Variants in SCUBE1 observed in about 807,000 individuals in gnomAD.
The protein encoded by SCUBE1 is signal peptide, CUB and EGF-like domain-containing protein 1.
A neutral mutation model predicts 124.4 loss-of-function variants in SCUBE1; 59 were observed. That is an observed-to-expected ratio of 0.47 (90% CI 0.38 to 0.59). The LOEUF is 0.59. Ranked by LOEUF, SCUBE1 falls within the 20% of genes least tolerant of loss-of-function variation. SCUBE1 has a pLI of 0.00. For missense variants in SCUBE1, 1,150 were observed against 1,371.2 expected (o/e 0.84, Z 2.55); for synonymous variants, 545 against 550.9 (o/e 0.99, Z 0.15).
intron 4 of SCUBE1, among the ~76,000 whole-genome samples, chr22:43,288,455 C>A (rs922269461): frequency 6.6e-6 from 1 of 152,214 alleles, no homozygotes; most frequent in Non-Finnish European, 1.5e-5. Flanking sequence ...CCACAGCCCA[C>A]CAGGCCCCAT....
Position 43,238,803 on chromosome 22 carries a change from C to T in SCUBE1, c.844+35G>A, listed in dbSNP as rs114221441. 6,187 of 1,556,966 alleles carry T rather than the reference C, an allele frequency of 4.0e-3. 220 individuals are homozygous for T. In the African/African-American group the frequency reaches 0.074, roughly 19 times the overall value. ...ACGGAGGCTCTTGGCCAGGCCAGTA[C>T]AGGCAGGGGCACCCACACAGCTCCA... On this transcript the variant is annotated intron_variant, in intron 7 of 21. Coordinates refer to ENST00000360835, the MANE Select transcript of SCUBE1 (RefSeq NM_173050.5).
In SCUBE1 at chr22:43,329,073, A is replaced by G. The variant is rs564623667; in HGVS notation, c.221-9008T>C. Among the ~76,000 whole-genome samples the G allele has an allele frequency of 2.4e-3, 367 of 152,300 alleles. 1 individual carries two copies. The highest frequency in any genetic ancestry group is 8.5e-3 in the African/African-American group (355 of 41,568). On this transcript the variant is annotated intron_variant, in intron 2 of 21. Transcript: ENST00000360835. ...CTGGGGCCTGCGGGCCTTGTGAAGG[A>G]TCAGGCCACCTCCCTGCCTTCTTCC...
rs1392966926 is a variant in SCUBE1 at position 43,197,694 on chromosome 22, C to T, written c.*6303G>A. 4 of 152,338 alleles carry T rather than the reference C, an allele frequency of 2.6e-5. No homozygotes were observed. The highest frequency in any genetic ancestry group is 9.6e-5 in the African/African-American group (4 of 41,476). The allele number at this position is 152,338 out of a possible 1,614,324, so 9.4% of individuals were successfully genotyped here. On this transcript the variant is annotated 3_prime_UTR_variant, in exon 22 of 22. Transcript: ENST00000360835. ...TCTCTGCAGGGCTGTGCCGGGGCCT[C>T]CCCAAGAGCAGTGGGGACACTCGGC...
chr22:43,281,485 T>TCAGCCACCC lies in SCUBE1; in HGVS notation c.484+9560_484+9561insGGGTGGCTG, dbSNP rs1924867518. Among the ~76,000 whole-genome samples the TCAGCCACCC allele has an allele frequency of 1.7e-4, 12 of 70,370 alleles. 1 individual carries two copies. Among genetic ancestry groups the TCAGCCACCC allele is most frequent in the African/African-American group, 1.3e-3 (8 of 6,076 alleles). 46.2% of individuals were successfully genotyped at this position (70,370 alleles called of 152,430 possible). On this transcript the variant is annotated intron_variant, in intron 4 of 21. Transcript: ENST00000360835. ...CAGCCACCCTCCTGTCACCTCCCTC[T>TCAGCCACCC]TTGGCCACCCTCCTGTCACCTCCTC...
At chr22:43,282,059 C>T (rs116484013) in intron 4 of SCUBE1, 2,812 of 153,130 alleles carry the variant, frequency 0.018, 97 homozygotes, top group African/African-American at 0.065. Flanking sequence ...ACCCAGGCAT[C>T]GGGAGCAGCT....
intron 3 of SCUBE1, among the ~76,000 whole-genome samples, chr22:43,308,668 C>T (rs113420841): frequency 0.013 from 2,011 of 152,326 alleles, 34 homozygotes; most frequent in African/African-American, 0.039. Flanking sequence ...TGGAGCGCGG[C>T]GCCTGCACGG....
intron 14 of SCUBE1, among the ~76,000 whole-genome samples, 180 bp downstream of exon 14, chr22:43,220,270 C>T (rs966675904): frequency 1.3e-5 from 2 of 152,178 alleles, no homozygotes; most frequent in Non-Finnish European, 2.9e-5. Context: ...CAAGCGTTGA[C>T]CCCTGCCAGC....
Position 43,211,047 on chromosome 22 carries a change from G to C in SCUBE1, c.2258C>G (p.Thr753Ser), listed in dbSNP as rs139807643. 3 of 1,613,612 alleles carry C rather than the reference G, an allele frequency of 1.9e-6. No individual in the cohort carries two copies. In the African/African-American group the frequency reaches 4.0e-5, roughly 22 times the overall value. The change falls in exon 18 of 22, where the codon ACC (threonine) becomes AGC (serine). Residue 753 changes from threonine to serine, a missense_variant. Transcript: ENST00000360835. This position sits in a 1 kb window ranked among gnomAD's most constrained non-coding sequence, Gnocchi z 4.5. Reference protein sequence around the residue: ...CSPGHHYNTTTHRCIRCPVGT... With the variant: ...CSPGHHYNTTSHRCIRCPVGT... ...GACGGGGCAGCGGATGCAGCGGTGG[G>C]TGGTGGTGTTGTAGTGGTGGCCGGG...
chr22:43,232,096 C>T lies in SCUBE1; in HGVS notation c.845-221G>A, dbSNP rs554837963. The stretch of plus-strand genomic sequence containing the variant: ...GGTTGTACTGGGAAGGGCCAGCTCC[C>T]CAAGCTTCACCACTTCCCCTGAGAC... On this transcript the variant is annotated intron_variant, in intron 7 of 21. Coordinates refer to ENST00000360835, the MANE Select transcript of SCUBE1 (RefSeq NM_173050.5). 11 of 558,078 alleles carry T rather than the reference C, an allele frequency of 2.0e-5. No individual in the cohort carries two copies. The African/African-American group carries it at 2.1e-4, about 10-fold the overall frequency. The allele number at this position is 558,078 out of a possible 1,614,324, so 34.6% of individuals were successfully genotyped here.
intron 6 of SCUBE1, among the ~76,000 whole-genome samples, chr22:43,250,988 G>T (rs1239359145): frequency 6.6e-6 from 1 of 152,240 alleles, no homozygotes; most frequent in Non-Finnish European, 1.5e-5. Context: ...TGGCTATGTG[G>T]CCTCCCTTCT....
intron 2 of SCUBE1, among the ~76,000 whole-genome samples, chr22:43,328,282 G>A (rs781442417): frequency 1.3e-5 from 2 of 149,938 alleles, no homozygotes; most frequent in Non-Finnish European, 3.0e-5. Context: ...CGTGTGAGAT[G>A]GAAGCCAGGA....
rs545882108 is a variant in SCUBE1, at chr22:43,197,914, C to G, written c.*6083G>C. On this transcript the variant is annotated 3_prime_UTR_variant, in exon 22 of 22. Transcript: ENST00000360835. The stretch of plus-strand genomic sequence containing the variant: ...CCCCTCCCTGCAGCCTTCTCTCTGT[C>G]TCTGGACTCCACCGCCAGGGCTGAC... The G allele has an allele frequency of 1.3e-5, 2 of 152,538 alleles. No individual in the cohort carries two copies. Among genetic ancestry groups the G allele is most frequent in the East Asian group, 3.9e-4 (2 of 5,192 alleles). The allele number at this position is 152,538 out of a possible 1,614,324, so 9.4% of individuals were successfully genotyped here.
chr22:43,285,770 G>A lies in SCUBE1; in HGVS notation c.484+5276C>T, dbSNP rs116737433. 3.6e-3 allele frequency among the ~76,000 whole-genome samples: 543 copies of A among 152,324 alleles called. 6 individuals carry two copies. Among genetic ancestry groups the A allele is most frequent in the African/African-American group, 0.012 (517 of 41,564 alleles). On this transcript the variant is annotated intron_variant, in intron 4 of 21. Transcript: ENST00000360835. ...CCTCTGCAGGTGTACTCAAACCTCC[G>A]CAGGAAGGATGGGTGGTTGGGCACC...
chr22:43,250,129 T>A (rs1299614821), intron 6 of SCUBE1, among the ~76,000 whole-genome samples: 2 of 152,152 alleles, frequency 1.3e-5, no homozygotes, highest in African/African-American at 4.8e-5. Context: ...TGAGGGAAGT[T>A]AAAAAATTCG....
intron 10 of SCUBE1, among the ~76,000 whole-genome samples, chr22:43,226,207 G>C (rs913619524): frequency 6.6e-6 from 1 of 152,184 alleles, no homozygotes; most frequent in Non-Finnish European, 1.5e-5. Context: ...ATTCTAGTGA[G>C]GAGAGAGAGA....
chr22:43,343,343 G>T lies in SCUBE1; in HGVS notation c.-82C>A. On this transcript the variant is annotated 5_prime_UTR_variant, in exon 1 of 22. Coordinates refer to ENST00000360835, the MANE Select transcript of SCUBE1 (RefSeq NM_173050.5). ...CCGGCCGCTCCCGCAGGCGCTGCTC[G>T]CTGCTCGCCGCTCCGCCACCGCTCG... is the stretch of plus-strand genomic sequence containing the variant. 1.6e-6 allele frequency: 1 copy of T among 621,936 alleles called. No homozygotes were observed. Among genetic ancestry groups the T allele is most frequent in the Non-Finnish European group, 2.1e-6 (1 of 485,478 alleles). 38.5% of individuals were successfully genotyped at this position (621,936 alleles called of 1,614,324 possible). A position where few individuals can be genotyped will look rare whatever the true frequency, so the allele number is the denominator to read the frequency against.
At chr22:43,277,239 G>C (rs952428869) in intron 4 of SCUBE1, among the ~76,000 whole-genome samples, 1 of 152,126 alleles carries the variant, frequency 6.6e-6, no homozygotes, top group Non-Finnish European at 1.5e-5. Context: ...AGTTCACTAT[G>C]GCTGGTTCAT....
At position 43,258,231 on chromosome 22, in the gene SCUBE1, G is replaced by A. The variant is rs372473028; in HGVS notation, c.715C>T (p.Arg239Cys). ...GGTGCCTACTTACCGATGCACGTGC[G>A]ACCGTCTGAGTGGAGGGCGTACTTC... ...HQKYALHSDG[R>C]TCIETCAVNN... is the part of the protein sequence containing the mutation. Residue 239 changes from arginine to cysteine, a missense_variant, in exon 6 of 22, where the codon CGC (arginine) becomes TGC (cysteine). Arg to Cys is a radical substitution (Grantham distance 180). Coordinates refer to ENST00000360835, the MANE Select transcript of SCUBE1 (RefSeq NM_173050.5). The surrounding 1 kb of genome is among the most constrained non-coding windows in gnomAD (Gnocchi z 5.0). 3.1e-6 allele frequency: 5 copies of A among 1,613,034 alleles called. No individual in the cohort carries two copies. The highest frequency in any genetic ancestry group is 2.2e-5 in the East Asian group (1 of 44,866).
At chr22:43,335,578 G>T (rs542829066) in intron 2 of SCUBE1, among the ~76,000 whole-genome samples, 21 of 152,288 alleles carry the variant, frequency 1.4e-4, no homozygotes, top group Admixed American at 5.9e-4. Context: ...GGAATTTCCA[G>T]CTCATGCAGC....
Sources: allele counts gnomAD v4.1 joint callset (sites outside exome capture counted in the v4.1 genomes callset), GRCh38; gene constraint gnomAD v4.1.1; non-coding constraint Gnocchi (gnomAD v3.1); transcripts MANE v1.5; gene names NCBI Gene and HGNC (gene_info 2026-07-23, HGNC 2026-07-21).